SATB1: variants seen among roughly 807,000 people sequenced by gnomAD.
SATB1 encodes SATB homeobox 1, also known as DNA-binding protein SATB1.
In SATB1, 11 loss-of-function variants were observed where a neutral mutation model predicts 86.9. The ratio of observed to expected loss-of-function variants is 0.13; its 90% CI spans 0.08 to 0.21. The LOEUF is 0.21. Ranked by LOEUF, SATB1 falls within the 10% of genes least tolerant of loss-of-function variation. The pLI is 1.00. For missense variants in SATB1, 551 were observed against 937.6 expected (o/e 0.59, Z 5.39); for synonymous variants, 357 against 357.2 (o/e 1.00, Z 0.01).
At chr3:18,421,808 T>G (rs189267342) in intron 1 of SATB1, among the ~76,000 whole-genome samples, 312 of 151,106 alleles carry the variant, frequency 2.1e-3, no homozygotes, top group Admixed American at 2.8e-3. Flanking sequence ...ATACACTTCG[T>G]GATATGCACA....
chr3:18,350,972 G>A (rs867796147), intron 10 of SATB1: 1 of 318,322 alleles, frequency 3.1e-6, no homozygotes, highest in South Asian at 2.8e-5. Context: ...TACTTTAAAA[G>A]AGAGCTAAAA....
intron 5 of SATB1, among the ~76,000 whole-genome samples, chr3:18,398,834 C>T (rs966191869): frequency 1.3e-5 from 2 of 152,116 alleles, no homozygotes; most frequent in South Asian, 2.1e-4. Context: ...TGCAATTTCA[C>T]TAAGAGCCTC....
chr3:18,397,372 G>T, intron 5 of SATB1, 82 bp from the exon 6 acceptor site: 1 of 849,706 alleles, frequency 1.2e-6, no homozygotes, highest in Non-Finnish European at 2.0e-6. Context: ...TGTGGCAACT[G>T]TATTTTTTTA....
At chr3:18,367,411 T>C (rs1170594075) in intron 9 of SATB1, among the ~76,000 whole-genome samples, 1 of 152,172 alleles carries the variant, frequency 6.6e-6, no homozygotes, top group Non-Finnish European at 1.5e-5. Context: ...CCTTCCTGTA[T>C]GTTTTCATGA....
In SATB1 at chr3:18,349,962, T is replaced by C; in HGVS notation, c.1780-280A>G. ...AAGTGAAAACTCAGTGCTCTGAAAATGTGAGCCATAAAATTCACTAGAATG... is the reference window on the plus strand; with the variant it reads ...AAGTGAAAACTCAGTGCTCTGAAAACGTGAGCCATAAAATTCACTAGAATG... On this transcript the variant is annotated intron_variant, in intron 10 of 10. Coordinates refer to ENST00000338745, the MANE Select transcript of SATB1 (RefSeq NM_002971.6). The surrounding 1 kb of genome is among the most constrained non-coding windows in gnomAD (Gnocchi z 5.5). The C allele has an allele frequency of 2.2e-6, 1 of 451,046 alleles. No individual in the cohort carries two copies. The highest frequency in any genetic ancestry group is 3.8e-6 in the Non-Finnish European group (1 of 261,154). The allele number at this position is 451,046 out of a possible 1,614,324, so 27.9% of individuals were successfully genotyped here.
chr3:18,412,186 A>T (rs1697882851), intron 5 of SATB1, among the ~76,000 whole-genome samples: 1 of 152,096 alleles, frequency 6.6e-6, no homozygotes, highest in South Asian at 2.1e-4. Flanking sequence ...TTGCACCGTG[A>T]CTTTAATCTC....
chr3:18,397,094 G>A lies in SATB1; in HGVS notation c.751+85C>T. The A allele has an allele frequency of 3.8e-6, 3 of 792,136 alleles. No individual in the cohort carries two copies. In the South Asian group the frequency reaches 4.4e-5, roughly 12 times the overall value. The allele number at this position is 792,136 out of a possible 1,614,324, so 49.1% of individuals were successfully genotyped here. On this transcript the variant is annotated intron_variant, in intron 6 of 10. Transcript: ENST00000338745. ...TTGATCTCTAATTGGGCAATCAAAA[G>A]ACCTGGCTTTAGATGTGACTTTGAT... is the stretch of plus-strand genomic sequence containing the variant.
chr3:18,423,099 T>C (rs1347817757), intron 1 of SATB1, among the ~76,000 whole-genome samples: 3 of 152,156 alleles, frequency 2.0e-5, no homozygotes, highest in South Asian at 4.1e-4. Context: ...CAGTTTGGGA[T>C]TGAAAAGAGC....
intron 6 of SATB1, among the ~76,000 whole-genome samples, 183 bp from the exon 7 acceptor site, chr3:18,395,099 C>A (rs1172607757): frequency 2.6e-5 from 4 of 152,126 alleles, no homozygotes; most frequent in African/African-American, 9.7e-5. Context: ...CTGAACAATT[C>A]TACAAACTTT....
In SATB1 at chr3:18,349,218, C is replaced by A. The variant is rs1559384791; in HGVS notation, c.2244G>T (p.Glu748Asp). The change falls in exon 11 of 11, where the codon GAG becomes GAT. Residue 748 changes from glutamate (E) to aspartate (D), a missense_variant. Glu to Asp is a conservative substitution (Grantham distance 45). This residue lies in a region of SATB1 where 41 missense variants were observed against 38.9 expected (regional missense o/e 1.06). Coordinates refer to ENST00000338745, the MANE Select transcript of SATB1 (RefSeq NM_002971.6). The surrounding 1 kb of genome is among the most constrained non-coding windows in gnomAD (Gnocchi z 5.5). ...NTLFSVKLEE[E>D]LSVEGNTDIN... ...TGTCTGTGTTTCCTTCCACTGACAG[C>A]TCTTCTTCTAGTTTCACTGAAAAAA... The A allele has an allele frequency of 6.2e-7, 1 of 1,614,182 alleles. No individual in the cohort carries two copies. Among genetic ancestry groups the A allele is most frequent in the African/African-American group, 1.3e-5 (1 of 75,048 alleles).
upstream of SATB1, among the ~76,000 whole-genome samples, chr3:18,440,879 TATA>T (rs1299510225): frequency 6.6e-6 from 1 of 152,196 alleles, no homozygotes; most frequent in African/African-American, 2.4e-5. Flanking sequence ...GAATACTTAA[TATA>T]ATAAGCACAA....
At chr3:18,399,821 C>T (rs1697156682) in intron 5 of SATB1, among the ~76,000 whole-genome samples, 1 of 152,106 alleles carries the variant, frequency 6.6e-6, no homozygotes, top group Non-Finnish European at 1.5e-5. Flanking sequence ...TTTCCTAATT[C>T]AGGTAACTTG....
rs138822604 is a variant in SATB1, at chr3:18,366,191, C to A, written c.1575+11979G>T. 3.9e-5 allele frequency among the ~76,000 whole-genome samples: 6 copies of A among 152,010 alleles called. No homozygotes were observed. The East Asian group carries it at 1.2e-3, about 29-fold the overall frequency. ...ACATTTGGGGATGGACACATCTCAG[C>A]AGCTATTAAATGCTACAGGTACCAA... On this transcript the variant is annotated intron_variant, in intron 9 of 10. Transcript: ENST00000338745.
chr3:18,387,731 G>T (rs1394094574), intron 7 of SATB1, among the ~76,000 whole-genome samples: 4 of 152,092 alleles, frequency 2.6e-5, no homozygotes, highest in African/African-American at 9.7e-5. Context: ...ATTTTGTCAG[G>T]ATTTCTATAT....
chr3:18,393,129 G>T (rs902329881), intron 7 of SATB1, among the ~76,000 whole-genome samples: 6 of 151,926 alleles, frequency 3.9e-5, no homozygotes, highest in Non-Finnish European at 8.8e-5. Flanking sequence ...ATTAATACTA[G>T]ATTACTTCTG....
chr3:18,404,139 A>T (rs1697403768), intron 5 of SATB1, among the ~76,000 whole-genome samples: 1 of 152,110 alleles, frequency 6.6e-6, no homozygotes, highest in Non-Finnish European at 1.5e-5. Flanking sequence ...GAATTTGTTG[A>T]AAATTAACAG....
At chr3:18,387,539 A>G (rs1054412626) in intron 7 of SATB1, among the ~76,000 whole-genome samples, 3 of 152,200 alleles carry the variant, frequency 2.0e-5, no homozygotes, top group Admixed American at 2.0e-4. Context: ...TCTTTCAAAA[A>G]TGGGTGGTTC....
At chr3:18,409,022 A>G (rs912587887) in intron 5 of SATB1, 2 of 151,972 alleles carry the variant, frequency 1.3e-5, no homozygotes, top group Non-Finnish European at 2.9e-5. Context: ...TGATATGGTA[A>G]TTTTCCCTGC....
Position 18,444,471 on chromosome 3 carries a change from G to C in SATB1, c.-25+1047C>G. ...CCGTTGAAGCCCTGCGCCCACGAGA[G>C]GGGAGCCCAGCCGCCCCAATAGGGG... On this transcript the variant is annotated intron_variant, in intron 1 of 3. Transcript: ENST00000415069. The surrounding 1 kb of genome is among the most constrained non-coding windows in gnomAD (Gnocchi z 5.1). 1.9e-6 allele frequency: 1 copy of C among 528,528 alleles called. No individual in the cohort carries two copies. The highest frequency in any genetic ancestry group is 2.4e-6 in the Non-Finnish European group (1 of 412,572). 32.7% of individuals were successfully genotyped at this position (528,528 alleles called of 1,614,324 possible).
Sources: allele counts gnomAD v4.1 joint callset (sites outside exome capture counted in the v4.1 genomes callset), GRCh38; gene constraint gnomAD v4.1.1; regional missense constraint gnomAD v4.1.1; non-coding constraint Gnocchi (gnomAD v3.1); transcripts MANE v1.5; gene names NCBI Gene and HGNC (gene_info 2026-07-23, HGNC 2026-07-21).